Variants in RAP2A observed in about 807,000 individuals in gnomAD.
RAP2A encodes the protein RAP2A, member of RAS oncogene family.
A neutral mutation model predicts 15.1 loss-of-function variants in RAP2A; 5 were observed. That is an observed-to-expected ratio of 0.33 (90% confidence interval 0.17 to 0.70). The LOEUF (loss-of-function observed/expected upper bound fraction) is 0.70, where lower values mean the gene tolerates loss of function less well. Ranked by LOEUF, RAP2A falls within the 30% of genes least tolerant of loss-of-function variation. The pLI is 0.68. For synonymous variants in RAP2A, 110 were observed against 99.7 expected (o/e 1.10, Z -0.62); for missense variants, 111 against 240.3 (o/e 0.46, Z 3.56).
At chr13:97,452,360 C>A (rs911939042) in intron 1 of RAP2A, among the ~76,000 whole-genome samples, 2 of 150,822 alleles carry the variant, frequency 1.3e-5, no homozygotes, top group South Asian at 2.1e-4. Flanking sequence ...TTCAGTTGAC[C>A]CAACATCATT....
chr13:97,461,902 G>A (rs1330648213), intron 1 of RAP2A, among the ~76,000 whole-genome samples: 1 of 150,146 alleles, frequency 6.7e-6, no homozygotes, highest in Non-Finnish European at 1.5e-5. Context: ...GGCGGAGCTT[G>A]CAGTGAGCAA....
In RAP2A at chr13:97,434,425, G is replaced by A; in HGVS notation, c.-46G>A. On this transcript the variant is annotated 5_prime_UTR_variant, in exon 1 of 2. An upstream open reading frame in the 5' UTR loses its in-frame stop. Coordinates refer to ENST00000245304, the MANE Select transcript of RAP2A (RefSeq NM_021033.7). Reference sequence around the variant, plus strand: ...CTGGGGGCGCAGCGCGGCCGGCGTAGGTCTATGTCGCGGGCGGCGGCGGCG... The same window carrying A: ...CTGGGGGCGCAGCGCGGCCGGCGTAAGTCTATGTCGCGGGCGGCGGCGGCG... 1 of 1,524,890 alleles carries A rather than the reference G, an allele frequency of 6.6e-7. No individual in the cohort carries two copies. Among genetic ancestry groups the A allele is most frequent in the Non-Finnish European group, 8.8e-7 (1 of 1,135,264 alleles). The allele number at this position is 1,524,890 out of a possible 1,614,324, so 94.5% of individuals were successfully genotyped here.
chr13:97,447,746 A>C (rs1007473576), intron 1 of RAP2A, among the ~76,000 whole-genome samples: 2 of 152,232 alleles, frequency 1.3e-5, no homozygotes, highest in African/African-American at 2.4e-5. Flanking sequence ...TGGACTACTT[A>C]AGGAAAGTGT....
chr13:97,452,456 G>A (rs2066705699), intron 1 of RAP2A, among the ~76,000 whole-genome samples: 1 of 151,116 alleles, frequency 6.6e-6, no homozygotes, highest in South Asian at 2.1e-4. Flanking sequence ...CTGTTTCTAG[G>A]CTATTTTCTC....
chr13:97,448,088 G>A (rs1018006625), intron 1 of RAP2A, among the ~76,000 whole-genome samples: 8 of 151,776 alleles, frequency 5.3e-5, no homozygotes, highest in Admixed American at 2.6e-4. Context: ...AAGATGAACA[G>A]AATAAGGAAA....
rs751543801 is a variant in RAP2A, at chr13:97,464,730, C to T, written c.*288C>T. Reference sequence around the variant, plus strand: ...CATTTGAAAGCTATGATGGCATTGTCGCTGAGTTGACAGAAGCAACTATTG... The same window carrying T: ...CATTTGAAAGCTATGATGGCATTGTTGCTGAGTTGACAGAAGCAACTATTG... On this transcript the variant is annotated 3_prime_UTR_variant, in exon 2 of 2. Coordinates refer to ENST00000245304, the MANE Select transcript of RAP2A (RefSeq NM_021033.7). The T allele has an allele frequency of 2.5e-5, 9 of 365,900 alleles. No individual in the cohort carries two copies. The highest frequency in any genetic ancestry group is 6.5e-5 in the South Asian group (1 of 15,458). The allele number at this position is 365,900 out of a possible 1,614,324, so 22.7% of individuals were successfully genotyped here.
Position 97,464,314 on chromosome 13 carries a change from T to A in RAP2A, c.424T>A (p.Phe142Ile), listed in dbSNP as rs2066760551. 22 of 1,614,190 alleles carry A rather than the reference T, an allele frequency of 1.4e-5. No homozygotes were observed. The highest frequency in any genetic ancestry group is 1.9e-5 in the Non-Finnish European group (22 of 1,180,022). The stretch of plus-strand genomic sequence containing the variant: ...CCTTGCTGAAGAGTGGGGCTGCCCC[T>A]TTATGGAAACTTCCGCTAAGAGTAA... ...RALAEEWGCP[F>I]METSAKSKTM... Residue 142 changes from phenylalanine to isoleucine, a missense_variant, in exon 2 of 2, where the codon TTT (phenylalanine) becomes ATT (isoleucine). Physicochemically the swap from Phe to Ile is conservative, Grantham distance 21. Transcript: ENST00000245304.
intron 1 of RAP2A, among the ~76,000 whole-genome samples, chr13:97,459,222 T>G (rs1221328166): frequency 6.6e-6 from 1 of 151,886 alleles, no homozygotes; most frequent in Non-Finnish European, 1.5e-5. Flanking sequence ...AGTTTGAGAA[T>G]TTTGCATCTT....
rs1171989675 is a variant in RAP2A, at chr13:97,465,222, C to G, written c.*780C>G. 2.0e-5 allele frequency: 3 copies of G among 152,500 alleles called. No homozygotes were observed. The highest frequency in any genetic ancestry group is 7.2e-5 in the African/African-American group (3 of 41,410). 9.4% of individuals were successfully genotyped at this position (152,500 alleles called of 1,614,324 possible). On this transcript the variant is annotated 3_prime_UTR_variant, in exon 2 of 2. Coordinates refer to ENST00000245304, the MANE Select transcript of RAP2A (RefSeq NM_021033.7). ...CCTCTGTTAGGGGTGGTCTTTATAA[C>G]TTTACTGAACAAGAGGGAAGCAACT...
In RAP2A at chr13:97,452,676, C is replaced by T. The variant is rs549982287; in HGVS notation, c.315-11529C>T. ...CACACACACACACACACACAACCAA[C>T]GGAACCTTCTGGCATTTTGATTGGG... On this transcript the variant is annotated intron_variant, in intron 1 of 1. Coordinates refer to ENST00000245304, the MANE Select transcript of RAP2A (RefSeq NM_021033.7). Among the ~76,000 whole-genome samples, 28 of 145,556 alleles carry T rather than the reference C, an allele frequency of 1.9e-4. 1 individual carries two copies. The highest frequency in any genetic ancestry group is 5.9e-4 in the African/African-American group (24 of 40,600).
At chr13:97,456,120 T>A (rs1594326755) in intron 1 of RAP2A, among the ~76,000 whole-genome samples, 2 of 144,558 alleles carry the variant, frequency 1.4e-5, no homozygotes, top group East Asian at 1.9e-4. Context: ...AACTGTGAAA[T>A]AAGAAGGAAA....
rs187604136 is a variant in RAP2A at position 97,465,026 on chromosome 13, T to C, written c.*584T>C. Reference sequence around the variant, plus strand: ...AATTGATGCTTAATTGTAGCTGTTATTCTAATTTGTGACATGGAACTAACT... The same window carrying C: ...AATTGATGCTTAATTGTAGCTGTTACTCTAATTTGTGACATGGAACTAACT... On this transcript the variant is annotated 3_prime_UTR_variant, in exon 2 of 2. Coordinates refer to ENST00000245304, the MANE Select transcript of RAP2A (RefSeq NM_021033.7). 1.3e-5 allele frequency: 2 copies of C among 152,638 alleles called. No individual in the cohort carries two copies. The highest frequency in any genetic ancestry group is 1.9e-4 in the East Asian group (1 of 5,196). The allele number at this position is 152,638 out of a possible 1,614,324, so 9.5% of individuals were successfully genotyped here.
chr13:97,438,316 G>A (rs535308372), intron 1 of RAP2A, among the ~76,000 whole-genome samples: 1 of 152,242 alleles, frequency 6.6e-6, no homozygotes, highest in African/African-American at 2.4e-5. Context: ...CCCTGCCTGT[G>A]CAGCCTCACC....
chr13:97,457,874 G>T (rs1413592592), intron 1 of RAP2A, among the ~76,000 whole-genome samples: 1 of 151,590 alleles, frequency 6.6e-6, no homozygotes, highest in African/African-American at 2.4e-5. Context: ...TTGAGCAAGA[G>T]TAGGAGGGAC....
intron 1 of RAP2A, among the ~76,000 whole-genome samples, chr13:97,461,004 C>G (rs1187812973): frequency 1.3e-5 from 2 of 152,276 alleles, no homozygotes; most frequent in South Asian, 2.1e-4. Flanking sequence ...CTTCTCAAGG[C>G]CACATCACTA....
In RAP2A at chr13:97,465,853, A is replaced by G. The variant is rs193222960; in HGVS notation, c.*1411A>G. On this transcript the variant is annotated 3_prime_UTR_variant, in exon 2 of 2. Transcript: ENST00000245304. ...AACTTAGTTATACATAAATGCTGAA[A>G]AGATTATCTTGAGCTGGGCCTTGGG... 3.3e-5 allele frequency: 5 copies of G among 152,340 alleles called. No individual in the cohort carries two copies. The East Asian group carries it at 9.6e-4, about 29-fold the overall frequency. The allele number at this position is 152,340 out of a possible 1,614,324, so 9.4% of individuals were successfully genotyped here.
intron 1 of RAP2A, among the ~76,000 whole-genome samples, chr13:97,443,825 C>G (rs1483718706): frequency 6.6e-6 from 1 of 152,198 alleles, no homozygotes; most frequent in African/African-American, 2.4e-5. Context: ...CTCATTAAAG[C>G]TGAGATCCAG....
intron 1 of RAP2A, among the ~76,000 whole-genome samples, chr13:97,442,749 T>C (rs1000315702): frequency 2.6e-5 from 4 of 152,240 alleles, no homozygotes; most frequent in African/African-American, 7.2e-5. Flanking sequence ...TAAATGTAAC[T>C]ATCTGTTTAA....
chr13:97,455,647 A>G (rs998212800), intron 1 of RAP2A, among the ~76,000 whole-genome samples: 1 of 151,532 alleles, frequency 6.6e-6, no homozygotes, highest in Non-Finnish European at 1.5e-5. Flanking sequence ...TACACCACTC[A>G]GTGGCTAGTC....
Sources: gnomAD v4.1 joint callset for allele counts (sites outside exome capture counted in the v4.1 genomes callset) on GRCh38, gnomAD v4.1.1 for gene constraint, MANE v1.5 for transcripts, NCBI Gene and HGNC (gene_info 2026-07-23, HGNC 2026-07-21) for gene names.